SYT5: variants seen among roughly 807,000 people sequenced by gnomAD.
The protein encoded by SYT5 is synaptotagmin-5.
Under a neutral mutation model 36.0 loss-of-function variants are expected in SYT5, and 29 were observed. The ratio of observed to expected loss-of-function variants is 0.81; its 90% CI spans 0.60 to 1.10. The LOEUF is 1.10. Among genes scored for constraint, SYT5 ranks in the 50% least tolerant of loss-of-function variants. The pLI is 0.00. For synonymous variants in SYT5, 231 were observed against 227.6 expected (o/e 1.02, Z -0.14); for missense variants, 512 against 516.0 (o/e 0.99, Z 0.08).
chr19:55,176,007 G>A lies in SYT5; in HGVS notation c.370C>T (p.Gln124Ter), dbSNP rs1405838423. 2 of 1,613,918 alleles carry A rather than the reference G, an allele frequency of 1.2e-6. No individual in the cohort carries two copies. Among genetic ancestry groups the A allele is most frequent in the Non-Finnish European group, 1.7e-6 (2 of 1,180,018 alleles). Residue 124 changes from glutamine to a stop codon, truncating the protein, a stop_gained and splice_region_variant, in exon 4 of 9, where the codon CAG (glutamine) becomes TAG (stop). Transcript: ENST00000354308. LOFTEE classifies it high-confidence loss of function. ...YSLDYDFQSG[Q>*]LLVGILQAMG... ...GCTTCCCCTTCCTCCACACCCACCT[G>A]GCCACTCTGGAAGTCATAATCCAGG...
chr19:55,174,186 G>GGCATCCTGGTCCTGCTTGGGGGCGGA (rs1568875485), intron 8 of SYT5, among the ~76,000 whole-genome samples: 2 of 147,054 alleles, frequency 1.4e-5, no homozygotes, highest in African/African-American at 2.6e-5. Context: ...TTGGGGGCGG[G>GGCATCCTGGTCCTGCTTGGGGGCGGA]GCATCCTGGT....
At position 55,175,953 on chromosome 19, in the gene SYT5, G is replaced by A; in HGVS notation, c.372+52C>T. The A allele has an allele frequency of 6.2e-7, 1 of 1,613,650 alleles. No individual in the cohort carries two copies. Among genetic ancestry groups the A allele is most frequent in the Admixed American group, 1.7e-5 (1 of 59,998 alleles). On this transcript the variant is annotated intron_variant, in intron 4 of 8. Coordinates refer to ENST00000354308, the MANE Select transcript of SYT5 (RefSeq NM_003180.3). The surrounding 1 kb of genome is among the most constrained non-coding windows in gnomAD (Gnocchi z 4.5). ...CCTTCCATGGCTCCTTTCAGAAGGGGTTGGAACCCCCGGGATCCTCCCTCC... is the reference window on the plus strand; with the variant it reads ...CCTTCCATGGCTCCTTTCAGAAGGGATTGGAACCCCCGGGATCCTCCCTCC...
chr19:55,174,827 C>G (rs201732298), intron 7 of SYT5, 55 bp downstream of exon 7: 45 of 1,589,758 alleles, frequency 2.8e-5, no homozygotes, highest in Non-Finnish European at 3.9e-5. Flanking sequence ...ACTGTCAGAA[C>G]GAGAACCCAC....
Position 55,178,969 on chromosome 19 carries a change from C to T in SYT5, c.73G>A (p.Gly25Ser). The T allele has an allele frequency of 1.3e-6, 2 of 1,560,702 alleles. No homozygotes were observed. The highest frequency in any genetic ancestry group is 1.7e-6 in the Non-Finnish European group (2 of 1,154,030). The change falls in exon 2 of 9, where the codon GGC becomes AGC. Residue 25 changes from glycine to serine, a missense_variant. By Grantham distance (56) the Gly-to-Ser change is moderately conservative. Coordinates refer to ENST00000354308, the MANE Select transcript of SYT5 (RefSeq NM_003180.3). ...TPPDSSRISH[G>S]PVPPWALATI... ...ACCCCCGGGTCTTGCTCACCTGGGC[C>T]GTGGCTGATGCGACTGGAGTCGGGA... is the stretch of plus-strand genomic sequence containing the variant.
Position 55,179,333 on chromosome 19 carries a change from C to G in SYT5, c.-45-247G>C. 3 of 1,162,296 alleles carry G rather than the reference C, an allele frequency of 2.6e-6. No homozygotes were observed. In the South Asian group the frequency reaches 6.2e-5, roughly 24 times the overall value. The allele number at this position is 1,162,296 out of a possible 1,614,324, so 72.0% of individuals were successfully genotyped here. A position where few individuals can be genotyped will look rare whatever the true frequency, so the allele number is the denominator to read the frequency against. Reference sequence around the variant, plus strand: ...CCCGCTGACTTCTGCCTCGTCCTCGCCCCTCCGCAGGGTCTGAACCGGAAG... The same window carrying G: ...CCCGCTGACTTCTGCCTCGTCCTCGGCCCTCCGCAGGGTCTGAACCGGAAG... On this transcript the variant is annotated intron_variant, in intron 1 of 8. Transcript: ENST00000354308. The surrounding 1 kb of genome is among the most constrained non-coding windows in gnomAD (Gnocchi z 4.5).
In SYT5 at chr19:55,175,194, A is replaced by G. The variant is rs1398572375; in HGVS notation, c.686T>C (p.Leu229Pro). Reference sequence around the variant, plus strand: ...CACCTCCTCCCGCGGAGCCGCCTGCAGCTCCCGCCAGGCCTGCACTGGCCG... The same window carrying G: ...CACCTCCTCCCGCGGAGCCGCCTGCGGCTCCCGCCAGGCCTGCACTGGCCG... ...LGRPVQAWRELQAAPREEQEK... is the reference protein window; with the variant it reads ...LGRPVQAWREPQAAPREEQEK... The change falls in exon 6 of 9, where the codon CTG becomes CCG. Residue 229 changes from leucine (L) to proline (P), a missense_variant. Transcript: ENST00000354308. The surrounding 1 kb of genome is among the most constrained non-coding windows in gnomAD (Gnocchi z 4.5). 1 of 1,606,630 alleles carries G rather than the reference A, an allele frequency of 6.2e-7. No individual in the cohort carries two copies. Among genetic ancestry groups the G allele is most frequent in the Admixed American group, 1.7e-5 (1 of 58,940 alleles).
At position 55,173,438 on chromosome 19, in the gene SYT5, G is replaced by C; in HGVS notation, c.*46C>G. 3 of 1,315,450 alleles carry C rather than the reference G, an allele frequency of 2.3e-6. No individual in the cohort carries two copies. The South Asian group carries it at 6.1e-5, about 27-fold the overall frequency. The allele number at this position is 1,315,450 out of a possible 1,614,324, so 81.5% of individuals were successfully genotyped here. A position where few individuals can be genotyped will look rare whatever the true frequency, so the allele number is the denominator to read the frequency against. ...GCTTTGGCCGGTCTCGGGAGTCTGG[G>C]GTCAGGGGCTAGAGTCCAGGCTTGG... On this transcript the variant is annotated 3_prime_UTR_variant, in exon 9 of 9. Transcript: ENST00000354308. This position sits in a 1 kb window ranked among gnomAD's most constrained non-coding sequence, Gnocchi z 5.4.
chr19:55,178,478 T>C, intron 2 of SYT5, 110 bp from the exon 3 acceptor site: 5 of 1,255,980 alleles, frequency 4.0e-6, no homozygotes, highest in Non-Finnish European at 5.4e-6. Context: ...CCTCCAGCCA[T>C]TTTCATTGCA....
Position 55,175,920 on chromosome 19 carries a change from T to C in SYT5, c.373-44A>G. 6.2e-7 allele frequency: 1 copy of C among 1,613,346 alleles called. No homozygotes were observed. The highest frequency in any genetic ancestry group is 1.3e-5 in the African/African-American group (1 of 75,000). ...GTGGGGGAGGTGGGGAACACTAGTC[T>C]TAGCCTCCCTTCCATGGCTCCTTTC... On this transcript the variant is annotated intron_variant, in intron 4 of 8. Coordinates refer to ENST00000354308, the MANE Select transcript of SYT5 (RefSeq NM_003180.3). This position sits in a 1 kb window ranked among gnomAD's most constrained non-coding sequence, Gnocchi z 4.5.
chr19:55,176,781 TG>T (rs2086081346), intron 3 of SYT5, among the ~76,000 whole-genome samples: 1 of 152,134 alleles, frequency 6.6e-6, no homozygotes, highest in Non-Finnish European at 1.5e-5. Flanking sequence ...GGGACAGGGA[TG>T]GGGCTGGACA....
In SYT5 at chr19:55,172,490, AAGAC is replaced by A. The variant is rs1482003093; in HGVS notation, c.*990_*993del. 2 of 152,134 alleles carry A rather than the reference AAGAC, an allele frequency of 1.3e-5. No individual in the cohort carries two copies. Among genetic ancestry groups the A allele is most frequent in the Non-Finnish European group, 1.5e-5 (1 of 68,010 alleles). 9.4% of individuals were successfully genotyped at this position (152,134 alleles called of 1,614,324 possible). A position where few individuals can be genotyped will look rare whatever the true frequency, so the allele number is the denominator to read the frequency against. ...AACAAGAGAAAAAGAAAGAAAAGGA[AAGAC>A]AGAAAGAAAACAAAAAGGAAAAAAG... is the stretch of plus-strand genomic sequence containing the variant. On this transcript the variant is annotated 3_prime_UTR_variant, in exon 9 of 9. Coordinates refer to ENST00000354308, the MANE Select transcript of SYT5 (RefSeq NM_003180.3).
At chr19:55,176,812 C>A (rs767274688) in intron 3 of SYT5, among the ~76,000 whole-genome samples, 1 of 152,116 alleles carries the variant, frequency 6.6e-6, no homozygotes, top group Non-Finnish European at 1.5e-5. Context: ...TAAATAGCAT[C>A]CTTTACGGAT....
intron 2 of SYT5, 70 bp from the exon 3 acceptor site, chr19:55,178,438 C>T (rs1434829727): frequency 1.7e-5 from 25 of 1,486,384 alleles, no homozygotes; most frequent in African/African-American, 2.8e-5. Flanking sequence ...CCTGATTACA[C>T]GTGGAAGCTG....
At chr19:55,174,007 G>A (rs1252641951) in intron 8 of SYT5, 2 of 324,710 alleles carry the variant, frequency 6.2e-6, no homozygotes, top group Non-Finnish European at 1.1e-5. Context: ...AACAGGGGCC[G>A]GGCTAGGGTA....
At position 55,173,466 on chromosome 19, in the gene SYT5, G is replaced by A. The variant is rs1489905889; in HGVS notation, c.*18C>T. 2.2e-6 allele frequency: 3 copies of A among 1,347,674 alleles called. No homozygotes were observed. The highest frequency in any genetic ancestry group is 1.5e-5 in the African/African-American group (1 of 64,998). 83.5% of individuals were successfully genotyped at this position (1,347,674 alleles called of 1,614,324 possible). A position where few individuals can be genotyped will look rare whatever the true frequency, so the allele number is the denominator to read the frequency against. On this transcript the variant is annotated 3_prime_UTR_variant, in exon 9 of 9. Transcript: ENST00000354308. The surrounding 1 kb of genome is among the most constrained non-coding windows in gnomAD (Gnocchi z 5.4). The stretch of plus-strand genomic sequence containing the variant: ...CAGGGGCTAGAGTCCAGGCTTGGCC[G>A]GGGGCTTGGGGTGGGAGTCAGGGCG...
rs768544408 is a variant in SYT5, at chr19:55,179,177, G to T, written c.-45-91C>A. 6.5e-7 allele frequency: 1 copy of T among 1,534,242 alleles called. No homozygotes were observed. The highest frequency in any genetic ancestry group is 8.7e-7 in the Non-Finnish European group (1 of 1,145,684). On this transcript the variant is annotated intron_variant, in intron 1 of 8. Coordinates refer to ENST00000354308, the MANE Select transcript of SYT5 (RefSeq NM_003180.3). The surrounding 1 kb of genome is among the most constrained non-coding windows in gnomAD (Gnocchi z 4.5). ...ATGAGGCCTTTGCGCGAACAGCCGC[G>T]CAGAAACCGGACAGCCACCGCGAGT...
At position 55,174,926 on chromosome 19, in the gene SYT5, AG is replaced by A; in HGVS notation, c.781del (p.Leu261TrpfsTer6). On this transcript the variant is annotated frameshift_variant, in exon 7 of 9. Transcript: ENST00000354308. LOFTEE classifies it high-confidence loss of function. The part of the protein sequence containing the change: ...PTAGKLTVIV[L>X]EAKNLKKMDV... ...CATCTTCTTCAGGTTTTTAGCCTCC[AG>A]GACGATGACGGTGAGCTTCCCGGCC... 6.2e-7 allele frequency: 1 copy of A among 1,614,174 alleles called. No individual in the cohort carries two copies. The highest frequency in any genetic ancestry group is 8.5e-7 in the Non-Finnish European group (1 of 1,180,016).
Position 55,173,302 on chromosome 19 carries a change from T to G in SYT5, c.*182A>C, listed in dbSNP as rs146736357. ...GGGTCGGGGGAGTGTGCTGGAAAGT[T>G]GTCGTGATTGGCATCGTTGGGGGTG... is the stretch of plus-strand genomic sequence containing the variant. On this transcript the variant is annotated 3_prime_UTR_variant, in exon 9 of 9. Transcript: ENST00000354308. The surrounding 1 kb of genome is among the most constrained non-coding windows in gnomAD (Gnocchi z 5.4). The G allele has an allele frequency of 3.2e-3, 1,500 of 469,504 alleles. 21 individuals are homozygous for G. Among genetic ancestry groups the G allele is most frequent in the African/African-American group, 0.028 (1,385 of 48,742 alleles). 29.1% of individuals were successfully genotyped at this position (469,504 alleles called of 1,614,324 possible).
In SYT5 at chr19:55,173,224, A is replaced by T; in HGVS notation, c.*260T>A. On this transcript the variant is annotated 3_prime_UTR_variant, in exon 9 of 9. Transcript: ENST00000354308. The surrounding 1 kb of genome is among the most constrained non-coding windows in gnomAD (Gnocchi z 5.4). Reference sequence around the variant, plus strand: ...GGGGCAGGACCCGGGGGCAGGAGAAACCAGGCTGCCTTCCCTTCCCGGGGT... The same window carrying T: ...GGGGCAGGACCCGGGGGCAGGAGAATCCAGGCTGCCTTCCCTTCCCGGGGT... 1 of 393,616 alleles carries T rather than the reference A, an allele frequency of 2.5e-6. No individual in the cohort carries two copies. Among genetic ancestry groups the T allele is most frequent in the African/African-American group, 2.1e-5 (1 of 48,218 alleles). The allele number at this position is 393,616 out of a possible 1,614,324, so 24.4% of individuals were successfully genotyped here.
Sources: allele counts gnomAD v4.1 joint callset (sites outside exome capture counted in the v4.1 genomes callset), GRCh38; gene constraint gnomAD v4.1.1; non-coding constraint Gnocchi (gnomAD v3.1); transcripts MANE v1.5; gene names NCBI Gene and HGNC (gene_info 2026-07-23, HGNC 2026-07-21).